Variants in HCN1 observed in about 807,000 individuals in gnomAD.
HCN1 encodes hyperpolarization activated cyclic nucleotide gated potassium channel 1.
In HCN1, 13 loss-of-function variants were observed where a neutral mutation model predicts 78.9. That is an observed-to-expected ratio of 0.16 (90% CI 0.11 to 0.26). The LOEUF (loss-of-function observed/expected upper bound fraction) is 0.26, where lower values mean the gene tolerates loss of function less well. Among genes scored for constraint, HCN1 ranks in the 10% least tolerant of loss-of-function variants. HCN1 has a pLI of 1.00. For synonymous variants in HCN1, 552 were observed against 455.5 expected (o/e 1.21, Z -2.70); for missense variants, 810 against 1,154.3 (o/e 0.70, Z 4.32).
intron 1 of HCN1, among the ~76,000 whole-genome samples, chr5:45,690,819 C>T (rs1739895691): frequency 6.6e-6 from 1 of 152,044 alleles, no homozygotes; most frequent in South Asian, 2.1e-4. Context: ...GCTCAGTACT[C>T]TTCATGTAGT....
intron 3 of HCN1, among the ~76,000 whole-genome samples, chr5:45,402,878 C>CCTTCCTTCCTCTACTTCCT: frequency 7.7e-6 from 1 of 129,946 alleles, no homozygotes; most frequent in Non-Finnish European, 1.6e-5. Context: ...ACTTCCTTCC[C>CCTTCCTTCCTCTACTTCCT]TCCCTCCCTC....
chr5:45,339,657 AT>A (rs1271618275), intron 5 of HCN1, among the ~76,000 whole-genome samples: 1 of 152,166 alleles, frequency 6.6e-6, no homozygotes, highest in African/African-American at 2.4e-5. Flanking sequence ...CTGTAATGGA[AT>A]GCATTTTAGC....
chr5:45,678,823 C>T (rs996671505), intron 1 of HCN1, among the ~76,000 whole-genome samples: 1 of 151,866 alleles, frequency 6.6e-6, no homozygotes, highest in Non-Finnish European at 1.5e-5. Flanking sequence ...TCAAGATTTG[C>T]CCTTAACTCT....
chr5:45,603,143 T>G (rs1044855600), intron 2 of HCN1, among the ~76,000 whole-genome samples: 1 of 152,088 alleles, frequency 6.6e-6, no homozygotes, highest in South Asian at 2.1e-4. Context: ...CAACCTATAA[T>G]ATTGTAGGTG....
At chr5:45,646,221 G>C (rs564463115) in intron 1 of HCN1, among the ~76,000 whole-genome samples, 2 of 151,790 alleles carry the variant, frequency 1.3e-5, no homozygotes, top group South Asian at 4.1e-4. Context: ...AACTAATTTT[G>C]GTCTGATGCT....
rs1740007331 is a variant in HCN1 at position 45,696,080 on chromosome 5, C to T, written c.14G>A (p.Gly5Asp). 7.4e-7 allele frequency: 1 copy of T among 1,351,038 alleles called. No individual in the cohort carries two copies. The highest frequency in any genetic ancestry group is 9.6e-7 in the Non-Finnish European group (1 of 1,040,676). 83.7% of individuals were successfully genotyped at this position (1,351,038 alleles called of 1,614,324 possible). The change falls in exon 1 of 8, where the codon GGC becomes GAC. Residue 5 changes from glycine (G) to aspartate (D), a missense_variant. Around this residue, in one of 6 missense-constraint regions of HCN1, gnomAD observed 170 missense variants for 166.8 expected, o/e 1.02. Coordinates refer to ENST00000303230, the MANE Select transcript of HCN1 (RefSeq NM_021072.4). The part of the protein sequence containing the change: MEGG[G>D]KPNSSSNSRD... ...GCTGTTAGACGAAGAGTTGGGCTTG[C>T]CGCCTCCTTCCATGCCCGGAGGACG...
At chr5:45,539,972 A>C (rs1227771729) in intron 2 of HCN1, among the ~76,000 whole-genome samples, 1 of 140,758 alleles carries the variant, frequency 7.1e-6, no homozygotes, top group East Asian at 2.1e-4. Context: ...AATGTTTATC[A>C]TTGTCAGGAT....
chr5:45,346,151 A>G (rs1161167292), intron 5 of HCN1, among the ~76,000 whole-genome samples: 1 of 152,220 alleles, frequency 6.6e-6, no homozygotes, highest in Non-Finnish European at 1.5e-5. Context: ...AGCATGTGGT[A>G]ACCATCCCCA....
At chr5:45,333,311 T>C (rs1462269154) in intron 5 of HCN1, among the ~76,000 whole-genome samples, 1 of 151,792 alleles carries the variant, frequency 6.6e-6, no homozygotes, top group Non-Finnish European at 1.5e-5. Flanking sequence ...TATTCAAATC[T>C]TTTGAGTATT....
At position 45,639,038 on chromosome 5, in the gene HCN1, C is replaced by T. The variant is rs575679430; in HGVS notation, c.849+6147G>A. Among the ~76,000 whole-genome samples the T allele has an allele frequency of 5.9e-5, 9 of 152,132 alleles. No individual in the cohort carries two copies. The South Asian group carries it at 6.2e-4, about 11-fold the overall frequency. On this transcript the variant is annotated intron_variant, in intron 2 of 7. Transcript: ENST00000303230. ...CACAATACTAATAATTGTTTAGAGA[C>T]GGAACTTAAAACTCTGTTTAATTGG...
chr5:45,561,832 T>C (rs907268670), intron 2 of HCN1, among the ~76,000 whole-genome samples: 16 of 152,144 alleles, frequency 1.1e-4, no homozygotes, highest in African/African-American at 3.9e-4. Context: ...AACAAAATCC[T>C]AACTCTGGAC....
chr5:45,461,137 G>T (rs1053774514), intron 3 of HCN1, among the ~76,000 whole-genome samples: 1 of 151,886 alleles, frequency 6.6e-6, no homozygotes, highest in African/African-American at 2.4e-5. Flanking sequence ...AATATATATA[G>T]AGAGATTTAT....
At chr5:45,322,466 A>T (rs991368678) in intron 5 of HCN1, among the ~76,000 whole-genome samples, 1 of 151,858 alleles carries the variant, frequency 6.6e-6, no homozygotes, top group Non-Finnish European at 1.5e-5. Context: ...CTTATGTGAA[A>T]TGCTTGAGAC....
intron 2 of HCN1, among the ~76,000 whole-genome samples, chr5:45,496,527 AT>A (rs1742035584): frequency 6.6e-6 from 1 of 152,006 alleles, no homozygotes; most frequent in Admixed American, 6.6e-5. Flanking sequence ...AAGCTATTGT[AT>A]TTCTGTGGGA....
At chr5:45,493,126 AAT>A (rs1288989589) in intron 2 of HCN1, among the ~76,000 whole-genome samples, 2 of 152,134 alleles carry the variant, frequency 1.3e-5, no homozygotes, top group African/African-American at 4.8e-5. Flanking sequence ...ACTGAGACTA[AAT>A]ATGAGTTTAG....
intron 2 of HCN1, among the ~76,000 whole-genome samples, chr5:45,484,291 C>T (rs1478463199): frequency 6.6e-6 from 1 of 152,000 alleles, no homozygotes; most frequent in Non-Finnish European, 1.5e-5. Flanking sequence ...AAAAATTAGC[C>T]AGGCGTGGTG....
chr5:45,311,589 T>A (rs751503191), intron 5 of HCN1, among the ~76,000 whole-genome samples: 3 of 152,202 alleles, frequency 2.0e-5, no homozygotes, highest in Non-Finnish European at 4.4e-5. Context: ...AGTGGACTTG[T>A]TGCTTTAGTG....
chr5:45,586,689 C>T (rs1744235569), intron 2 of HCN1, among the ~76,000 whole-genome samples: 1 of 151,976 alleles, frequency 6.6e-6, no homozygotes, highest in Non-Finnish European at 1.5e-5. Context: ...TTGTTTTAAG[C>T]CACCAAATTT....
chr5:45,538,126 C>T (rs1431167104), intron 2 of HCN1, among the ~76,000 whole-genome samples: 2 of 151,874 alleles, frequency 1.3e-5, no homozygotes, highest in Non-Finnish European at 2.9e-5. Context: ...TAAAGTATTC[C>T]TAATTCTAGG....
Sources: allele counts gnomAD v4.1 joint callset (sites outside exome capture counted in the v4.1 genomes callset), GRCh38; gene constraint gnomAD v4.1.1; regional missense constraint gnomAD v4.1.1; transcripts MANE v1.5; gene names NCBI Gene and HGNC (gene_info 2026-07-23, HGNC 2026-07-21).